PHLPP1: variants seen among roughly 807,000 people sequenced by gnomAD.
PHLPP1 encodes PH domain and leucine rich repeat protein phosphatase 1.
PHLPP1 carries 42 observed loss-of-function variants against 117.2 expected under a neutral mutation model. The observed-to-expected ratio is 0.36, with a 90% CI of 0.28 to 0.46. The LOEUF (loss-of-function observed/expected upper bound fraction) is 0.46, where lower values mean the gene tolerates loss of function less well. Among genes scored for constraint, PHLPP1 ranks in the 20% least tolerant of loss-of-function variants. PHLPP1 has a pLI of 1.00. For synonymous variants in PHLPP1, 1,042 were observed against 970.7 expected (o/e 1.07, Z -1.37); for missense variants, 2,084 against 2,241.9 (o/e 0.93, Z 1.42).
chr18:62,874,366 G>T (rs1364482093), intron 4 of PHLPP1, among the ~76,000 whole-genome samples: 1 of 151,826 alleles, frequency 6.6e-6, no homozygotes, highest in African/African-American at 2.4e-5. Flanking sequence ...AAACTTAGCC[G>T]GGCATGGTGG....
At chr18:62,736,506 T>C (rs948754815) in intron 1 of PHLPP1, among the ~76,000 whole-genome samples, 1 of 152,076 alleles carries the variant, frequency 6.6e-6, no homozygotes, top group Non-Finnish European at 1.5e-5. Flanking sequence ...TACAGTTGGG[T>C]GATGGAAGAA....
intron 1 of PHLPP1, among the ~76,000 whole-genome samples, chr18:62,748,431 G>A (rs1233445568): frequency 6.6e-6 from 1 of 151,978 alleles, no homozygotes; most frequent in African/African-American, 2.4e-5. Flanking sequence ...TTTTTCCGTA[G>A]AGATGGGTTT....
At chr18:62,916,605 GGTGTGTGTGT>G (rs71340133) in intron 9 of PHLPP1, among the ~76,000 whole-genome samples, 1 of 145,768 alleles carries the variant, frequency 6.9e-6, no homozygotes, top group Non-Finnish European at 1.5e-5. Context: ...CAAGAGGGTG[GGTGTGTGTGT>G]GTGTGTGTGT....
At chr18:62,835,925 C>T (rs1385163159) in intron 2 of PHLPP1, among the ~76,000 whole-genome samples, 1 of 151,138 alleles carries the variant, frequency 6.6e-6, no homozygotes, top group Non-Finnish European at 1.5e-5. Context: ...GGATTACAGG[C>T]ATGCACCACC....
chr18:62,969,474 T>TA lies in PHLPP1; in HGVS notation c.3561-3029dup, dbSNP rs534498746. Reference sequence around the variant, plus strand: ...TCTTGGTAAAAGTTCTGTGTGCATTTAAAAAAAAAAATTGCTGTTGGGTAT... The same window carrying TA: ...TCTTGGTAAAAGTTCTGTGTGCATTTAAAAAAAAAAAATTGCTGTTGGGTAT... On this transcript the variant is annotated intron_variant, in intron 14 of 16. Transcript: ENST00000262719. Among the ~76,000 whole-genome samples the TA allele has an allele frequency of 1.6e-3, 241 of 150,354 alleles. 1 individual carries two copies. The highest frequency in any genetic ancestry group is 2.8e-3 in the Non-Finnish European group (190 of 67,320).
intron 10 of PHLPP1, among the ~76,000 whole-genome samples, chr18:62,937,009 A>G (rs923834352): frequency 3.9e-5 from 6 of 152,230 alleles, no homozygotes; most frequent in Non-Finnish European, 5.9e-5. Context: ...TAGAGTTTTA[A>G]TGGTATATAA....
At chr18:62,725,578 T>C (rs1312137486) in intron 1 of PHLPP1, among the ~76,000 whole-genome samples, 1 of 152,092 alleles carries the variant, frequency 6.6e-6, no homozygotes, top group Non-Finnish European at 1.5e-5. Context: ...TGGAAGTCTT[T>C]ATCAGAAATA....
At chr18:62,934,965 C>A (rs1443754937) in intron 10 of PHLPP1, among the ~76,000 whole-genome samples, 1 of 152,088 alleles carries the variant, frequency 6.6e-6, no homozygotes, top group African/African-American at 2.4e-5. Flanking sequence ...CTACTAAGAT[C>A]AGTAACAGGA....
At chr18:62,821,186 C>A (rs1184805237) in intron 1 of PHLPP1, among the ~76,000 whole-genome samples, 1 of 152,150 alleles carries the variant, frequency 6.6e-6, no homozygotes, top group Non-Finnish European at 1.5e-5. Context: ...AATCCCAACA[C>A]TGGGAGGCTG....
Position 62,716,393 on chromosome 18 carries a change from T to G in PHLPP1, c.710T>G (p.Leu237Arg). 6.7e-7 allele frequency: 1 copy of G among 1,483,392 alleles called. No homozygotes were observed. Among genetic ancestry groups the G allele is most frequent in the Non-Finnish European group, 8.9e-7 (1 of 1,121,620 alleles). The allele number at this position is 1,483,392 out of a possible 1,614,324, so 91.9% of individuals were successfully genotyped here. A position where few individuals can be genotyped will look rare whatever the true frequency, so the allele number is the denominator to read the frequency against. Residue 237 changes from leucine (L) to arginine (R), a missense_variant, in exon 1 of 17, where the codon CTG (leucine) becomes CGG (arginine). By Grantham distance (102) the Leu-to-Arg change is moderately radical. Coordinates refer to ENST00000262719, the MANE Select transcript of PHLPP1 (RefSeq NM_194449.4). The surrounding 1 kb of genome is among the most constrained non-coding windows in gnomAD (Gnocchi z 5.7). ...AGEVAARLLQ[L>R]GHKGGGVVKV... ...GAGGTGGCCGCCCGCCTGCTGCAGC[T>G]GGGCCACAAAGGCGGCGGCGTGGTG...
At chr18:62,939,055 G>A (rs1009869100) in intron 10 of PHLPP1, among the ~76,000 whole-genome samples, 9 of 140,976 alleles carry the variant, frequency 6.4e-5, no homozygotes, top group African/African-American at 2.4e-4. Flanking sequence ...CAATGGTGCA[G>A]TCTTGGCTCA....
At chr18:62,722,404 A>G (rs555800367) in intron 1 of PHLPP1, among the ~76,000 whole-genome samples, 1 of 152,356 alleles carries the variant, frequency 6.6e-6, no homozygotes, top group Admixed American at 6.5e-5. Flanking sequence ...AAGCCGCTCA[A>G]TAGAAAAACG....
At chr18:62,897,344 A>C (rs1024232385) in intron 6 of PHLPP1, among the ~76,000 whole-genome samples, 2 of 152,200 alleles carry the variant, frequency 1.3e-5, no homozygotes, top group African/African-American at 4.8e-5. Context: ...AGATGACATC[A>C]CCTACAGGAT....
At chr18:62,765,498 C>A (rs34159186) in intron 1 of PHLPP1, among the ~76,000 whole-genome samples, 10,226 of 152,244 alleles carry the variant, frequency 0.067, 389 homozygotes, top group Middle Eastern at 0.088. Flanking sequence ...CCTTTATTGG[C>A]TCTATAAGCC....
intron 3 of PHLPP1, among the ~76,000 whole-genome samples, chr18:62,855,136 T>C (rs1915460358): frequency 6.6e-6 from 1 of 152,214 alleles, no homozygotes; most frequent in Non-Finnish European, 1.5e-5. Context: ...CTTAAGCTCT[T>C]GGAAGAGTGC....
At chr18:62,950,575 G>A (rs1370117514) in intron 12 of PHLPP1, among the ~76,000 whole-genome samples, 1 of 152,202 alleles carries the variant, frequency 6.6e-6, no homozygotes, top group Non-Finnish European at 1.5e-5. Context: ...ATGGAAGAAA[G>A]TGGGTTGATT....
chr18:62,929,291 T>C (rs1453267782), intron 10 of PHLPP1, among the ~76,000 whole-genome samples: 2 of 152,208 alleles, frequency 1.3e-5, no homozygotes, highest in African/African-American at 4.8e-5. Context: ...ACACACACCA[T>C]AAAATTCATC....
At chr18:62,761,864 C>T (rs935080932) in intron 1 of PHLPP1, among the ~76,000 whole-genome samples, 15 of 151,948 alleles carry the variant, frequency 9.9e-5, no homozygotes, top group Non-Finnish European at 1.9e-4. Flanking sequence ...CTGCCTCAGC[C>T]TCTCAAAGTG....
intron 3 of PHLPP1, among the ~76,000 whole-genome samples, chr18:62,845,931 G>T (rs900154353): frequency 3.9e-5 from 6 of 152,166 alleles, no homozygotes; most frequent in African/African-American, 1.4e-4. Context: ...GAATGAAGGG[G>T]CTGGGTGCAG....
Sources: gnomAD v4.1 joint callset for allele counts (sites outside exome capture counted in the v4.1 genomes callset) on GRCh38, gnomAD v4.1.1 for gene constraint, Gnocchi (gnomAD v3.1) non-coding constraint, MANE v1.5 for transcripts, NCBI Gene and HGNC (gene_info 2026-07-23, HGNC 2026-07-21) for gene names.